The following WDPCP variants were observed in gnomAD, a reference collection of about 807,000 sequenced individuals.
WDPCP encodes the protein WD repeat containing planar cell polarity effector, also known as WD repeat-containing and planar cell polarity effector protein fritz homolog.
A neutral mutation model predicts 93.1 loss-of-function variants in WDPCP; 71 were observed. That is an observed-to-expected ratio of 0.76 (90% CI 0.63 to 0.93). The LOEUF (loss-of-function observed/expected upper bound fraction) is 0.93, where lower values mean the gene tolerates loss of function less well. Among genes scored for constraint, WDPCP ranks in the 40% least tolerant of loss-of-function variants. The pLI is 0.00. For synonymous variants in WDPCP, 315 were observed against 315.0 expected (o/e 1.00, Z 0.00); for missense variants, 844 against 887.4 (o/e 0.95, Z 0.62).
chr2:63,383,945 A>G (rs541068140), intron 10 of WDPCP, among the ~76,000 whole-genome samples: 1 of 152,302 alleles, frequency 6.6e-6, no homozygotes, highest in African/African-American at 2.4e-5. Flanking sequence ...AATATAATGA[A>G]GCTACATACA....
intron 17 of WDPCP, among the ~76,000 whole-genome samples, chr2:63,133,563 G>A (rs942381137): frequency 2.0e-5 from 3 of 152,138 alleles, no homozygotes; most frequent in Non-Finnish European, 4.4e-5. Flanking sequence ...TCCCCATGCC[G>A]TTCTTATGAT....
chr2:63,612,922 T>C (rs1183583861), intron 3 of WDPCP, among the ~76,000 whole-genome samples: 1 of 151,666 alleles, frequency 6.6e-6, no homozygotes, highest in Non-Finnish European at 1.5e-5. Context: ...TCTTTTCCTT[T>C]CTTTCTTTCT....
intron 13 of WDPCP, among the ~76,000 whole-genome samples, chr2:63,269,251 G>T (rs970992172): frequency 6.6e-6 from 1 of 152,272 alleles, no homozygotes. Context: ...TCAGAAGAAT[G>T]AATACCACTT....
intron 10 of WDPCP, among the ~76,000 whole-genome samples, chr2:63,400,530 C>T (rs1694069142): frequency 6.6e-6 from 1 of 152,060 alleles, no homozygotes; most frequent in Non-Finnish European, 1.5e-5. Context: ...AACAAATTTA[C>T]AAGAGAAAAA....
chr2:63,609,153 G>A (rs182616320), intron 3 of WDPCP, among the ~76,000 whole-genome samples: 1 of 152,170 alleles, frequency 6.6e-6, no homozygotes, highest in African/African-American at 2.4e-5. Flanking sequence ...GATCATTTGA[G>A]GTCAGGAGTT....
chr2:63,536,739 A>C (rs973882133), intron 1 of WDPCP, among the ~76,000 whole-genome samples: 16 of 149,036 alleles, frequency 1.1e-4, no homozygotes, highest in Non-Finnish European at 2.2e-4. Flanking sequence ...ACAAACAACC[A>C]AAAAAAAATG....
chr2:63,156,060 C>T (rs1412817385), intron 15 of WDPCP, among the ~76,000 whole-genome samples: 1 of 152,054 alleles, frequency 6.6e-6, no homozygotes, highest in Non-Finnish European at 1.5e-5. Context: ...AGAGCAGTGG[C>T]GGGATCTTGG....
intron 12 of WDPCP, among the ~76,000 whole-genome samples, chr2:63,338,566 A>T (rs1195807868): frequency 3.0e-4 from 3 of 9,928 alleles, no homozygotes; most frequent in Admixed American, 1.8e-3. Flanking sequence ...AAAAAAAAAA[A>T]AAAATATATA....
At chr2:63,446,372 T>C (rs1193613346) in intron 6 of WDPCP, among the ~76,000 whole-genome samples, 1 of 152,206 alleles carries the variant, frequency 6.6e-6, no homozygotes, top group Non-Finnish European at 1.5e-5. Flanking sequence ...GGGGATGATT[T>C]TGGCCACCAG....
chr2:63,722,657 TGG>T (rs540659527), intron 2 of WDPCP, among the ~76,000 whole-genome samples: 1 of 72,940 alleles, frequency 1.4e-5, no homozygotes, highest in East Asian at 4.2e-4. Context: ...GGGAGGGAGG[TGG>T]GGGGGGGTCA....
intron 13 of WDPCP, among the ~76,000 whole-genome samples, chr2:63,280,151 G>C (rs1241420838): frequency 5.3e-5 from 8 of 152,136 alleles, no homozygotes; most frequent in Non-Finnish European, 1.2e-4. Flanking sequence ...AAAGAGCGCT[G>C]TATTAGTTCA....
At chr2:63,573,033 G>A (rs993968855) in intron 1 of WDPCP, among the ~76,000 whole-genome samples, 4 of 151,972 alleles carry the variant, frequency 2.6e-5, no homozygotes, top group Admixed American at 6.6e-5. Flanking sequence ...GACTGACTGG[G>A]GCCAAGAGTC....
chr2:63,242,419 G>T (rs976790170), intron 14 of WDPCP, among the ~76,000 whole-genome samples: 63 of 152,130 alleles, frequency 4.1e-4, no homozygotes, highest in Non-Finnish European at 8.8e-5. Flanking sequence ...TTATATAAAA[G>T]AAGTTGTTTC....
chr2:63,321,409 T>C (rs1025067295), intron 12 of WDPCP, among the ~76,000 whole-genome samples: 10 of 151,460 alleles, frequency 6.6e-5, no homozygotes, highest in Admixed American at 6.6e-4. Flanking sequence ...TGTGTGTGTG[T>C]GTGTGTGTGT....
rs952451229 is a variant in WDPCP, at chr2:63,321,445, C to G, written c.1749-8134G>C. ...GTGTGTATCCACCCACATGAGAGCT[C>G]CTTATTGTTACTTTGCTGATTTATT... On this transcript the variant is annotated intron_variant, in intron 12 of 17. Coordinates refer to ENST00000272321, the MANE Select transcript of WDPCP (RefSeq NM_015910.7). Among the ~76,000 whole-genome samples the G allele has an allele frequency of 1.1e-4, 17 of 150,474 alleles. No individual in the cohort carries two copies. The East Asian group carries it at 3.3e-3, about 29-fold the overall frequency.
At chr2:63,419,154 G>GT (rs989794971) in intron 9 of WDPCP, among the ~76,000 whole-genome samples, 1 of 151,984 alleles carries the variant, frequency 6.6e-6, no homozygotes, top group African/African-American at 2.4e-5. Context: ...TTTTGTTTTT[G>GT]TTTTTTGAGA....
intron 13 of WDPCP, among the ~76,000 whole-genome samples, chr2:63,312,470 T>C (rs1227098723): frequency 1.3e-5 from 2 of 152,200 alleles, no homozygotes; most frequent in Admixed American, 6.5e-5. Context: ...CTACAAAATG[T>C]CTTAATTGTG....
chr2:63,752,842 A>T (rs539487010), intron 2 of WDPCP, among the ~76,000 whole-genome samples: 4 of 152,002 alleles, frequency 2.6e-5, no homozygotes, highest in African/African-American at 9.6e-5. Flanking sequence ...ACAGGCGCCC[A>T]CCACCAGCCC....
upstream of WDPCP, chr2:63,588,970 T>A (rs1263545171): frequency 2.5e-6 from 4 of 1,606,680 alleles, no homozygotes; most frequent in Non-Finnish European, 3.4e-6. Flanking sequence ...TCCGAGTCAG[T>A]TCCGCGGTAG....
Sources: allele counts gnomAD v4.1 joint callset (sites outside exome capture counted in the v4.1 genomes callset), GRCh38; gene constraint gnomAD v4.1.1; transcripts MANE v1.5; gene names NCBI Gene and HGNC (gene_info 2026-07-23, HGNC 2026-07-21).